The following FSIP2 variants were observed in gnomAD, a reference collection of about 807,000 sequenced individuals.
FSIP2 encodes the protein fibrous sheath interacting protein 2.
In FSIP2, 367 loss-of-function variants were observed where a neutral mutation model predicts 510.5. The observed-to-expected ratio is 0.72, with a 90% CI of 0.66 to 0.78. FSIP2 has a LOEUF of 0.78. Among genes scored for constraint, FSIP2 ranks in the 30% least tolerant of loss-of-function variants. FSIP2 has a pLI of 0.00. For missense variants in FSIP2, 7,594 were observed against 7,901.7 expected (o/e 0.96, Z 1.48); for synonymous variants, 2,601 against 2,732.2 (o/e 0.95, Z 1.50).
chr2:185,741,514 T>G (rs1010174151), intron 2 of FSIP2, among the ~76,000 whole-genome samples: 2 of 152,202 alleles, frequency 1.3e-5, no homozygotes, highest in African/African-American at 2.4e-5. Flanking sequence ...AAAGTTAACA[T>G]TTTTTAAAAG....
rs763437842 is a variant in FSIP2, at chr2:185,805,287, TA to T, written c.15982del (p.Ile5328LeufsTer33). On this transcript the variant is annotated frameshift_variant, in exon 17 of 23. Transcript: ENST00000424728. LOFTEE classifies it high-confidence loss of function. ...TGATAAGGGAATTTAAGAAAAGTGA[TA>T]TTAAAGTTTTACCAAATGCTGAAAA... ...SLIREFKKSD[I>X]KVLPNAEKMF... is the part of the protein sequence containing the mutation. 139 of 1,595,010 alleles carry T rather than the reference TA, an allele frequency of 8.7e-5. 1 individual carries two copies. In the South Asian group the frequency reaches 9.9e-4, roughly 11 times the overall value.
At chr2:185,782,851 C>T in intron 14 of FSIP2, 89 bp downstream of exon 14, 1 of 739,754 alleles carries the variant, frequency 1.4e-6, no homozygotes, top group Non-Finnish European at 2.3e-6. Context: ...CCATGGAATC[C>T]TCCATTTTTA....
rs1343758055 is a variant in FSIP2 at position 185,813,994 on chromosome 2, G to T, written c.20277G>T (p.Thr6759=). 2.5e-6 allele frequency: 4 copies of T among 1,613,290 alleles called. No homozygotes were observed. In the East Asian group the frequency reaches 6.7e-5, roughly 27 times the overall value. Residue 6759 remains threonine (T), a synonymous_variant, in exon 18 of 23, where the codon ACG becomes ACT. Transcript: ENST00000424728. Reference sequence around the variant, plus strand: ...AGCTTGACATGGCCACACCAAAGACGATGCCTGAAACAGCCTCTTCATCTT... The same window carrying T: ...AGCTTGACATGGCCACACCAAAGACTATGCCTGAAACAGCCTCTTCATCTT... ...VAELDMATPK[T]MPETASSSWE...
intron 13 of FSIP2, among the ~76,000 whole-genome samples, chr2:185,768,414 A>T (rs1252423477): frequency 6.6e-6 from 1 of 151,916 alleles, no homozygotes; most frequent in African/African-American, 2.4e-5. Flanking sequence ...TATATCTTTA[A>T]TTCATTTTTT....
chr2:185,797,455 A>G lies in FSIP2; in HGVS notation c.10319A>G (p.Asn3440Ser), dbSNP rs961680714. The G allele has an allele frequency of 7.8e-6, 12 of 1,529,120 alleles. No homozygotes were observed. In the African/African-American group the frequency reaches 9.7e-5, roughly 12 times the overall value. 94.7% of individuals were successfully genotyped at this position (1,529,120 alleles called of 1,614,324 possible). The part of the protein sequence containing the change: ...FTFADHEMGS[N>S]EVHLIARHVT... ...TTTGCTGATCATGAAATGGGTTCCAATGAAGTTCATCTGATAGCAAGACAT... is the reference window on the plus strand; with the variant it reads ...TTTGCTGATCATGAAATGGGTTCCAGTGAAGTTCATCTGATAGCAAGACAT... The change falls in exon 16 of 23, where the codon AAT (asparagine) becomes AGT (serine). Residue 3440 changes from asparagine (N) to serine (S), a missense_variant. Coordinates refer to ENST00000424728, the MANE Select transcript of FSIP2 (RefSeq NM_173651.4).
rs1477762849 is a variant in FSIP2, at chr2:185,792,135, A to G, written c.4999A>G (p.Thr1667Ala). 1.3e-6 allele frequency: 2 copies of G among 1,533,754 alleles called. No homozygotes were observed. The highest frequency in any genetic ancestry group is 1.7e-6 in the Non-Finnish European group (2 of 1,145,376). Residue 1667 changes from threonine to alanine, a missense_variant, in exon 16 of 23, where the codon ACA (threonine) becomes GCA (alanine). Coordinates refer to ENST00000424728, the MANE Select transcript of FSIP2 (RefSeq NM_173651.4). ...ELNVTSSDLKTSVENPPPETQ... is the reference protein window; with the variant it reads ...ELNVTSSDLKASVENPPPETQ... The stretch of plus-strand genomic sequence containing the variant: ...AAATGTGACCTCATCAGATTTGAAG[A>G]CAAGTGTAGAAAACCCACCACCTGA...
At position 185,797,306 on chromosome 2, in the gene FSIP2, C is replaced by T. The variant is rs773884481; in HGVS notation, c.10170C>T (p.Asn3390=). 6.5e-7 allele frequency: 1 copy of T among 1,529,580 alleles called. No individual in the cohort carries two copies. The highest frequency in any genetic ancestry group is 8.7e-7 in the Non-Finnish European group (1 of 1,145,012). The allele number at this position is 1,529,580 out of a possible 1,614,324, so 94.8% of individuals were successfully genotyped here. A position where few individuals can be genotyped will look rare whatever the true frequency, so the allele number is the denominator to read the frequency against. Residue 3390 remains asparagine, a synonymous_variant, in exon 16 of 23, where the codon AAC becomes AAT. Coordinates refer to ENST00000424728, the MANE Select transcript of FSIP2 (RefSeq NM_173651.4). ...TTAGAATGCAGGATAAAAAAATCAA[C>T]TATATACCTGAGGAAGAAAATGAAA... ...SLLRMQDKKI[N]YIPEEENENL...
At chr2:185,748,436 C>T (rs1207023480) in intron 7 of FSIP2, among the ~76,000 whole-genome samples, 1 of 151,738 alleles carries the variant, frequency 6.6e-6, no homozygotes, top group Non-Finnish European at 1.5e-5. Flanking sequence ...GCCACCACGC[C>T]CAGCCATAAT....
rs1693595781 is a variant in FSIP2 at position 185,806,937 on chromosome 2, A to G, written c.17631A>G (p.Glu5877=). The G allele has an allele frequency of 6.2e-7, 1 of 1,611,578 alleles. No homozygotes were observed. The highest frequency in any genetic ancestry group is 1.3e-5 in the African/African-American group (1 of 74,888). Residue 5877 remains glutamate, a synonymous_variant, in exon 17 of 23, where the codon GAA becomes GAG. Transcript: ENST00000424728. ...PPRYKEPTTD[E]APSSIKIKSA... Reference sequence around the variant, plus strand: ...GGTATAAAGAGCCAACTACAGATGAAGCACCATCCAGCATTAAGATAAAAT... The same window carrying G: ...GGTATAAAGAGCCAACTACAGATGAGGCACCATCCAGCATTAAGATAAAAT...
chr2:185,791,953 C>T lies in FSIP2; in HGVS notation c.4817C>T (p.Ala1606Val). ...FANGHLEILG[A>V]INDGNKKSNK... ...AACGGACATTTAGAAATTTTGGGTGCTATTAATGATGGAAATAAGAAAAGC... is the reference window on the plus strand; with the variant it reads ...AACGGACATTTAGAAATTTTGGGTGTTATTAATGATGGAAATAAGAAAAGC... Residue 1606 changes from alanine to valine, a missense_variant, in exon 16 of 23, where the codon GCT (alanine) becomes GTT (valine). Physicochemically the swap from Ala to Val is moderately conservative, Grantham distance 64 (BLOSUM62 0). Transcript: ENST00000424728. The T allele has an allele frequency of 6.5e-7, 1 of 1,533,470 alleles. No individual in the cohort carries two copies. Among genetic ancestry groups the T allele is most frequent in the Non-Finnish European group, 8.7e-7 (1 of 1,145,112 alleles). The allele number at this position is 1,533,470 out of a possible 1,614,324, so 95.0% of individuals were successfully genotyped here.
chr2:185,832,104 A>G (rs1694119373), intron 22 of FSIP2, among the ~76,000 whole-genome samples: 1 of 151,954 alleles, frequency 6.6e-6, no homozygotes, highest in South Asian at 2.1e-4. Flanking sequence ...TCATATAACT[A>G]AAATATATCA....
chr2:185,761,316 C>G (rs1320658285), intron 10 of FSIP2, among the ~76,000 whole-genome samples: 1 of 151,006 alleles, frequency 6.6e-6, no homozygotes, highest in Non-Finnish European at 1.5e-5. Context: ...ATAACCCAAA[C>G]AAACATTTGG....
In FSIP2 at chr2:185,800,063, C is replaced by T; in HGVS notation, c.10757C>T (p.Pro3586Leu). 1 of 1,531,670 alleles carries T rather than the reference C, an allele frequency of 6.5e-7. No individual in the cohort carries two copies. The highest frequency in any genetic ancestry group is 8.7e-7 in the Non-Finnish European group (1 of 1,143,830). 94.9% of individuals were successfully genotyped at this position (1,531,670 alleles called of 1,614,324 possible). Reference sequence around the variant, plus strand: ...ATTGCACAGAAAATGGTTGCCATACCTACAAAATACACTTACTGTCCAGGA... The same window carrying T: ...ATTGCACAGAAAATGGTTGCCATACTTACAAAATACACTTACTGTCCAGGA... ...ADIAQKMVAI[P>L]TKYTYCPGIV... The change falls in exon 17 of 23, where the codon CCT becomes CTT. Residue 3586 changes from proline to leucine, a missense_variant. By Grantham distance (98) the Pro-to-Leu change is moderately conservative. Coordinates refer to ENST00000424728, the MANE Select transcript of FSIP2 (RefSeq NM_173651.4).
Position 185,764,705 on chromosome 2 carries a change from G to C in FSIP2, c.1411+140G>C, listed in dbSNP as rs771169154. The C allele has an allele frequency of 2.9e-4, 177 of 604,812 alleles. 1 individual carries two copies. Among genetic ancestry groups the C allele is most frequent in the Middle Eastern group, 4.0e-4 (1 of 2,478 alleles). 37.5% of individuals were successfully genotyped at this position (604,812 alleles called of 1,614,324 possible). A position where few individuals can be genotyped will look rare whatever the true frequency, so the allele number is the denominator to read the frequency against. On this transcript the variant is annotated intron_variant, in intron 13 of 22. Coordinates refer to ENST00000424728, the MANE Select transcript of FSIP2 (RefSeq NM_173651.4). ...GAAAAATGGCACAATTTTTGCTCAG[G>C]GTTCTTACAGTATACTTGGAAAGAT...
In FSIP2 at chr2:185,796,080, G is replaced by C. The variant is rs1158009663; in HGVS notation, c.8944G>C (p.Val2982Leu). 1 of 1,532,050 alleles carries C rather than the reference G, an allele frequency of 6.5e-7. No individual in the cohort carries two copies. The highest frequency in any genetic ancestry group is 2.5e-5 in the East Asian group (1 of 40,806). The allele number at this position is 1,532,050 out of a possible 1,614,324, so 94.9% of individuals were successfully genotyped here. The stretch of plus-strand genomic sequence containing the variant: ...CACAAAGACAAAAGACCAAATTTCT[G>C]TGGGCTCCAGCAACCAAATTGTTCA... ...YNTKTKDQIS[V>L]GSSNQIVQEI... The change falls in exon 16 of 23, where the codon GTG (valine) becomes CTG (leucine). Residue 2982 changes from valine to leucine, a missense_variant. Transcript: ENST00000424728.
chr2:185,829,885 C>T (rs538126734), intron 21 of FSIP2, among the ~76,000 whole-genome samples: 2 of 151,918 alleles, frequency 1.3e-5, no homozygotes, highest in South Asian at 4.1e-4. Flanking sequence ...TGAGGAAAAT[C>T]ACAGAAAGAG....
Position 185,804,381 on chromosome 2 carries a change from C to G in FSIP2, c.15075C>G (p.Val5025=). 1 of 1,501,664 alleles carries G rather than the reference C, an allele frequency of 6.7e-7. No homozygotes were observed. 93.0% of individuals were successfully genotyped at this position (1,501,664 alleles called of 1,614,324 possible). A position where few individuals can be genotyped will look rare whatever the true frequency, so the allele number is the denominator to read the frequency against. The change falls in exon 17 of 23, where the codon GTC becomes GTG. Residue 5025 remains valine (V), a synonymous_variant. Transcript: ENST00000424728. The stretch of plus-strand genomic sequence containing the variant: ...ACAAAGAAATGGTTCAAAAAATAGT[C>G]AACTCAGTATATGGAAAAGTATTAG... ...ERYKEMVQKI[V]NSVYGKVLDQ...
At chr2:185,739,831 T>C (rs905447121) in intron 2 of FSIP2, among the ~76,000 whole-genome samples, 12 of 152,166 alleles carry the variant, frequency 7.9e-5, no homozygotes, top group Non-Finnish European at 1.2e-4. Flanking sequence ...TTTAATGATA[T>C]GTTACGATTT....
At chr2:185,813,211 T>C (rs977359767) in intron 17 of FSIP2, among the ~76,000 whole-genome samples, 1 of 151,988 alleles carries the variant, frequency 6.6e-6, no homozygotes, top group Non-Finnish European at 1.5e-5. Flanking sequence ...TTTTGGAAAA[T>C]AGGTTATCCT....
Sources: allele counts gnomAD v4.1 joint callset (sites outside exome capture counted in the v4.1 genomes callset), GRCh38; gene constraint gnomAD v4.1.1; transcripts MANE v1.5; gene names NCBI Gene and HGNC (gene_info 2026-07-23, HGNC 2026-07-21).